Variants in DTWD2 observed in about 807,000 individuals in gnomAD.
The protein encoded by DTWD2 is DTW motif tRNA-uridine aminocarboxypropyltransferase 2.
In DTWD2, 39 loss-of-function variants were observed where a neutral mutation model predicts 31.8. That is an observed-to-expected ratio of 1.22 (90% CI 0.95 to 1.60). The LOEUF is 1.60. DTWD2 is among the 40% of genes most tolerant of loss of function. The pLI, the probability that DTWD2 is intolerant of heterozygous loss-of-function variation, is 0.00. For missense variants in DTWD2, 515 were observed against 381.5 expected (o/e 1.35, Z -2.92); for synonymous variants, 180 against 142.8 (o/e 1.26, Z -1.86).
chr5:118,924,225 T>C (rs1753764601), intron 4 of DTWD2, among the ~76,000 whole-genome samples: 1 of 152,156 alleles, frequency 6.6e-6, no homozygotes, highest in African/African-American at 2.4e-5. Context: ...AAGTATCTCC[T>C]AGCAGGAGGA....
intron 4 of DTWD2, among the ~76,000 whole-genome samples, chr5:118,869,889 T>A (rs562722207): frequency 6.6e-6 from 1 of 152,120 alleles, no homozygotes. Flanking sequence ...AGGTGTTGGA[T>A]CACGGAGGCA....
At chr5:118,914,890 T>C (rs34045550) in intron 4 of DTWD2, among the ~76,000 whole-genome samples, 41,737 of 152,120 alleles carry the variant, frequency 0.27, 10,325 homozygotes, top group African/African-American at 0.67. Flanking sequence ...CAATAAAATT[T>C]GTCACCATTC....
chr5:118,986,300 A>T (rs1755425789), intron 1 of DTWD2, among the ~76,000 whole-genome samples: 1 of 152,220 alleles, frequency 6.6e-6, no homozygotes, highest in African/African-American at 2.4e-5. Context: ...TAAAGGACAG[A>T]ATACATTTAT....
At chr5:118,964,243 G>A (rs1301850237) in intron 1 of DTWD2, among the ~76,000 whole-genome samples, 1 of 151,188 alleles carries the variant, frequency 6.6e-6, no homozygotes, top group East Asian at 1.9e-4. Flanking sequence ...AAAATTTGCA[G>A]AATGAAACAT....
intron 4 of DTWD2, among the ~76,000 whole-genome samples, chr5:118,884,003 A>T (rs1752800264): frequency 6.6e-6 from 1 of 152,218 alleles, no homozygotes; most frequent in African/African-American, 2.4e-5. Context: ...GATTTTTGTA[A>T]ATTTGTAAAA....
At chr5:118,955,316 G>C (rs1031617406) in intron 1 of DTWD2, among the ~76,000 whole-genome samples, 5 of 152,108 alleles carry the variant, frequency 3.3e-5, no homozygotes, top group Admixed American at 1.3e-4. Flanking sequence ...ACGCATTTCT[G>C]CTTTATTACC....
chr5:118,841,271 C>A (rs1561421055), intron 5 of DTWD2, among the ~76,000 whole-genome samples, 184 bp from the exon 6 acceptor site: 1 of 152,072 alleles, frequency 6.6e-6, no homozygotes, highest in Non-Finnish European at 1.5e-5. Context: ...CTTTAAAATT[C>A]ATGCCTTAAT....
At chr5:118,943,737 CA>C in intron 2 of DTWD2, among the ~76,000 whole-genome samples, 1 of 151,608 alleles carries the variant, frequency 6.6e-6, no homozygotes, top group Non-Finnish European at 1.5e-5. Flanking sequence ...GACTCTGTCT[CA>C]AAAAATAAAT....
chr5:118,941,931 G>A (rs1754213075), intron 2 of DTWD2, among the ~76,000 whole-genome samples: 2 of 152,204 alleles, frequency 1.3e-5, no homozygotes, highest in Admixed American at 1.3e-4. Flanking sequence ...GATGGCCAGT[G>A]ATGAAGAGCA....
rs59328076 is a variant in DTWD2 at position 118,847,609 on chromosome 5, AT to A, written c.726+480del. On this transcript the variant is annotated intron_variant, in intron 5 of 5. Coordinates refer to ENST00000510708, the MANE Select transcript of DTWD2 (RefSeq NM_173666.4). ...TATAATACTTTCATATTCTCTAGGC[AT>A]TTTTTTTTTCAAGAAAAATGTCTTT... Among the ~76,000 whole-genome samples the A allele has an allele frequency of 2.0e-3, 298 of 149,468 alleles. 2 individuals are homozygous for A. The highest frequency in any genetic ancestry group is 0.014 in the East Asian group (71 of 5,114).
At chr5:118,885,973 A>G (rs988493682) in intron 4 of DTWD2, among the ~76,000 whole-genome samples, 3 of 152,044 alleles carry the variant, frequency 2.0e-5, no homozygotes, top group Non-Finnish European at 4.4e-5. Flanking sequence ...CCCCTGTCTC[A>G]AAGAAACACA....
Position 118,920,900 on chromosome 5 carries a change from T to C in DTWD2, c.597+7637A>G, listed in dbSNP as rs547054624. On this transcript the variant is annotated intron_variant, in intron 4 of 5. Coordinates refer to ENST00000510708, the MANE Select transcript of DTWD2 (RefSeq NM_173666.4). Reference sequence around the variant, plus strand: ...TTTCATATCTGCCACTAATTATCTATGTAACCCAGTAAGAGAAGTGAGTTC... The same window carrying C: ...TTTCATATCTGCCACTAATTATCTACGTAACCCAGTAAGAGAAGTGAGTTC... Among the ~76,000 whole-genome samples, 61 of 152,334 alleles carry C rather than the reference T, an allele frequency of 4.0e-4. 1 individual carries two copies. Among genetic ancestry groups the C allele is most frequent in the African/African-American group, 1.4e-3 (58 of 41,572 alleles).
chr5:118,841,779 A>G (rs549824574), intron 5 of DTWD2, among the ~76,000 whole-genome samples: 10 of 149,696 alleles, frequency 6.7e-5, no homozygotes, highest in Non-Finnish European at 1.5e-4. Flanking sequence ...TTCAAAAATT[A>G]AAAAAAAAAC....
chr5:118,951,196 T>C (rs549081635), intron 1 of DTWD2, among the ~76,000 whole-genome samples: 3 of 152,210 alleles, frequency 2.0e-5, no homozygotes, highest in African/African-American at 7.2e-5. Flanking sequence ...AGAAGGAAAC[T>C]GTAAGCCGGA....
chr5:118,905,723 A>T (rs11949851), intron 4 of DTWD2, among the ~76,000 whole-genome samples: 55,417 of 151,986 alleles, frequency 0.36, 12,692 homozygotes, highest in African/African-American at 0.66. Context: ...GGATAACTAT[A>T]TTTTTTATAA....
Position 118,928,543 on chromosome 5 carries a change from G to A in DTWD2, c.591C>T (p.Pro197=), listed in dbSNP as rs1199230247. 2.0e-6 allele frequency: 3 copies of A among 1,500,624 alleles called. No individual in the cohort carries two copies. The highest frequency in any genetic ancestry group is 1.8e-6 in the Non-Finnish European group (2 of 1,126,990). 93.0% of individuals were successfully genotyped at this position (1,500,624 alleles called of 1,614,324 possible). ...IFYKNSLFRH[P]KQVQLKTSIS... ...GTTAAAATTACTAGTTTACCTGTTT[G>A]GGATGTCGGAACAAGGAGTTCTTAT... Residue 197 remains proline, a synonymous_variant, in exon 4 of 6, where the codon CCC becomes CCT. Coordinates refer to ENST00000510708, the MANE Select transcript of DTWD2 (RefSeq NM_173666.4).
chr5:118,970,504 C>G (rs1253859721), intron 1 of DTWD2, among the ~76,000 whole-genome samples: 1 of 152,086 alleles, frequency 6.6e-6, no homozygotes, highest in African/African-American at 2.4e-5. Context: ...AGGACCGAAC[C>G]TACAACTGAC....
At chr5:118,875,286 C>G (rs1051031366) in intron 4 of DTWD2, among the ~76,000 whole-genome samples, 1 of 152,056 alleles carries the variant, frequency 6.6e-6, no homozygotes, top group African/African-American at 2.4e-5. Context: ...TATAAAGCAA[C>G]CACATAAACA....
chr5:118,973,113 T>C (rs1755029073), intron 1 of DTWD2, among the ~76,000 whole-genome samples: 1 of 151,326 alleles, frequency 6.6e-6, no homozygotes, highest in Non-Finnish European at 1.5e-5. Flanking sequence ...TCCATTTGCT[T>C]GGTAAATCTT....
Sources: allele counts gnomAD v4.1 joint callset (sites outside exome capture counted in the v4.1 genomes callset), GRCh38; gene constraint gnomAD v4.1.1; transcripts MANE v1.5; gene names NCBI Gene and HGNC (gene_info 2026-07-23, HGNC 2026-07-21).